SHROOM3: variants seen among roughly 807,000 people sequenced by gnomAD.
SHROOM3 encodes the protein shroom family member 3, also known as protein Shroom3.
In SHROOM3, 47 loss-of-function variants were observed where a neutral mutation model predicts 138.6. The observed-to-expected ratio is 0.34, with a 90% CI of 0.27 to 0.43. The LOEUF (loss-of-function observed/expected upper bound fraction) is 0.43, where lower values mean the gene tolerates loss of function less well. SHROOM3 is among the 20% of genes least tolerant of loss of function. The pLI is 1.00. For synonymous variants in SHROOM3, 1,062 were observed against 1,063.3 expected (o/e 1.00, Z 0.02); for missense variants, 2,491 against 2,596.5 (o/e 0.96, Z 0.88).
intron 1 of SHROOM3, among the ~76,000 whole-genome samples, chr4:76,493,273 A>G (rs1476011163): frequency 6.6e-6 from 1 of 151,556 alleles, no homozygotes; most frequent in Non-Finnish European, 1.5e-5. Flanking sequence ...TGAATTTCAG[A>G]TAAACAAGGA....
intron 2 of SHROOM3, among the ~76,000 whole-genome samples, chr4:76,708,331 G>T (rs1358493385): frequency 6.6e-6 from 1 of 150,824 alleles, no homozygotes; most frequent in African/African-American, 2.4e-5. Context: ...CCAGGAAGGA[G>T]AAGTGGAAAG....
At chr4:76,768,842 C>T (rs914770121) in intron 9 of SHROOM3, among the ~76,000 whole-genome samples, 2 of 152,020 alleles carry the variant, frequency 1.3e-5, no homozygotes, top group Non-Finnish European at 2.9e-5. Flanking sequence ...CCACCTGCAG[C>T]CTCTAGGATT....
intron 2 of SHROOM3, among the ~76,000 whole-genome samples, chr4:76,660,097 G>T (rs72661491): frequency 6.6e-6 from 1 of 151,830 alleles, no homozygotes; most frequent in Non-Finnish European, 1.5e-5. Context: ...TCTCACCCAC[G>T]TCAGGGCACT....
intron 2 of SHROOM3, among the ~76,000 whole-genome samples, chr4:76,613,655 C>T (rs1407819223): frequency 6.6e-6 from 1 of 152,140 alleles, no homozygotes; most frequent in Non-Finnish European, 1.5e-5. Context: ...AACTTCCATT[C>T]GACTCCTCTT....
Position 76,721,082 on chromosome 4 carries a change from C to A in SHROOM3, c.456-9722C>A, listed in dbSNP as rs1023570119. ...TCTCCAGCACTTTGGGAGGCCGAGG[C>A]GGGCGGATCAAGAGGTCAGGAGATC... is the stretch of plus-strand genomic sequence containing the variant. On this transcript the variant is annotated intron_variant, in intron 3 of 10. Coordinates refer to ENST00000296043, the MANE Select transcript of SHROOM3 (RefSeq NM_020859.4). Among the ~76,000 whole-genome samples, 3 of 151,716 alleles carry A rather than the reference C, an allele frequency of 2.0e-5. 1 individual carries two copies. In the South Asian group the frequency reaches 6.3e-4, roughly 32 times the overall value.
At chr4:76,611,539 G>A (rs1734761910) in intron 2 of SHROOM3, among the ~76,000 whole-genome samples, 1 of 152,060 alleles carries the variant, frequency 6.6e-6, no homozygotes, top group African/African-American at 2.4e-5. Flanking sequence ...GGGGCATCCT[G>A]GCTCCCTGAA....
At chr4:76,747,338 GC>G (rs1195003044) in intron 5 of SHROOM3, among the ~76,000 whole-genome samples, 3 of 151,944 alleles carry the variant, frequency 2.0e-5, no homozygotes, top group Non-Finnish European at 4.4e-5. Context: ...TATGCTCAAA[GC>G]AAGAAATGCA....
intron 2 of SHROOM3, among the ~76,000 whole-genome samples, chr4:76,696,348 T>C (rs1719728556): frequency 6.6e-6 from 1 of 152,198 alleles, no homozygotes; most frequent in Admixed American, 6.5e-5. Flanking sequence ...TTCCCATGGT[T>C]ACCTCCTCAC....
At chr4:76,724,625 T>C (rs114657712) in intron 3 of SHROOM3, among the ~76,000 whole-genome samples, 1,968 of 152,318 alleles carry the variant, frequency 0.013, 40 homozygotes, top group African/African-American at 0.045. Context: ...TTCTTAAGTG[T>C]CCTTCCAAAA....
intron 2 of SHROOM3, among the ~76,000 whole-genome samples, chr4:76,663,555 C>T (rs1019234605): frequency 1.3e-5 from 2 of 151,982 alleles, no homozygotes; most frequent in African/African-American, 4.8e-5. Context: ...TTTGTTTGGC[C>T]CATAGATTGT....
Position 76,741,964 on chromosome 4 carries a change from C to T in SHROOM3, c.3753+38C>T, listed in dbSNP as rs551379329. On this transcript the variant is annotated intron_variant, in intron 5 of 10. Transcript: ENST00000296043. The surrounding 1 kb of genome is among the most constrained non-coding windows in gnomAD (Gnocchi z 6.2). Reference sequence around the variant, plus strand: ...AGCAAGTCCTGGCCTCGAACTGTCCCTTCCTCCCTAGAAGCTTTAGTGGGG... The same window carrying T: ...AGCAAGTCCTGGCCTCGAACTGTCCTTTCCTCCCTAGAAGCTTTAGTGGGG... 77 of 1,603,466 alleles carry T rather than the reference C, an allele frequency of 4.8e-5. No individual in the cohort carries two copies. The highest frequency in any genetic ancestry group is 4.0e-5 in the Non-Finnish European group (47 of 1,175,880).
chr4:76,698,540 G>C (rs1719810907), intron 2 of SHROOM3, among the ~76,000 whole-genome samples: 2 of 152,092 alleles, frequency 1.3e-5, no homozygotes, highest in African/African-American at 2.4e-5. Flanking sequence ...AGACTACATT[G>C]GGACCCTCAG....
chr4:76,730,765 T>G, intron 3 of SHROOM3, 39 bp from the exon 4 acceptor site: 1 of 1,613,248 alleles, frequency 6.2e-7, no homozygotes, highest in South Asian at 1.1e-5. Flanking sequence ...CAGCTGAGAC[T>G]TTGGCTAATG....
intron 9 of SHROOM3, among the ~76,000 whole-genome samples, chr4:76,769,485 T>C (rs568096771): frequency 1.3e-5 from 2 of 152,332 alleles, no homozygotes; most frequent in South Asian, 4.1e-4. Flanking sequence ...ATAAATGAAT[T>C]CAAACTAGAA....
In SHROOM3 at chr4:76,655,161, G is replaced by A. The variant is rs949271482; in HGVS notation, c.324-54995G>A. Among the ~76,000 whole-genome samples the A allele has an allele frequency of 2.0e-5, 3 of 152,112 alleles. No individual in the cohort carries two copies. In the East Asian group the frequency reaches 5.8e-4, roughly 29 times the overall value. ...TATTTCAAATTAGAATGCATGAGGG[G>A]AAAAATAAATAGCTTATCCAATATT... is the stretch of plus-strand genomic sequence containing the variant. On this transcript the variant is annotated intron_variant, in intron 2 of 10. Transcript: ENST00000296043.
intron 1 of SHROOM3, among the ~76,000 whole-genome samples, chr4:76,493,781 C>T (rs999876016): frequency 3.3e-5 from 5 of 152,160 alleles, no homozygotes; most frequent in Non-Finnish European, 7.3e-5. Flanking sequence ...GAGTTCGAGA[C>T]CAGCCTGGCC....
chr4:76,668,048 C>G (rs927215568), intron 2 of SHROOM3, among the ~76,000 whole-genome samples: 36 of 150,942 alleles, frequency 2.4e-4, no homozygotes, highest in African/African-American at 8.3e-4. Flanking sequence ...GTCACGCCCC[C>G]TCTCCCTTGT....
intron 1 of SHROOM3, among the ~76,000 whole-genome samples, chr4:76,545,312 G>A (rs1330248415): frequency 3.9e-5 from 6 of 152,162 alleles, no homozygotes; most frequent in Non-Finnish European, 7.3e-5. Flanking sequence ...CTTCAGTGAA[G>A]CTTGATGTTT....
intron 2 of SHROOM3, among the ~76,000 whole-genome samples, chr4:76,630,382 T>C (rs1019477878): frequency 6.6e-6 from 1 of 152,152 alleles, no homozygotes; most frequent in African/African-American, 2.4e-5. Context: ...AAGTCAGAGG[T>C]CATTTCTGCC....
Sources: gnomAD v4.1 joint callset for allele counts (sites outside exome capture counted in the v4.1 genomes callset) on GRCh38, gnomAD v4.1.1 for gene constraint, Gnocchi (gnomAD v3.1) non-coding constraint, MANE v1.5 for transcripts, NCBI Gene and HGNC (gene_info 2026-07-23, HGNC 2026-07-21) for gene names.